The following PDE4C variants were observed in gnomAD, a reference collection of about 807,000 sequenced individuals.
PDE4C encodes phosphodiesterase 4C.
PDE4C carries 50 observed loss-of-function variants against 63.9 expected under a neutral mutation model. The ratio of observed to expected loss-of-function variants is 0.78; its 90% CI spans 0.62 to 0.99. The LOEUF (loss-of-function observed/expected upper bound fraction) is 0.99. Ranked by LOEUF, PDE4C falls within the 50% of genes least tolerant of loss-of-function variation. The pLI is 0.00. For missense variants in PDE4C, 777 were observed against 899.1 expected (o/e 0.86, Z 1.74); for synonymous variants, 377 against 385.1 (o/e 0.98, Z 0.25).
At position 18,220,966 on chromosome 19, in the gene PDE4C, G is replaced by A. The variant is rs377670826; in HGVS notation, c.450-43C>T. The A allele has an allele frequency of 2.5e-6, 4 of 1,575,312 alleles. No individual in the cohort carries two copies. The highest frequency in any genetic ancestry group is 3.4e-6 in the Non-Finnish European group (4 of 1,161,714). ...CAGGCGTGGCTGCTCCGCCCATCTC[G>A]CCCCGCCCCCAAGTCCACCAGGCCC... On this transcript the variant is annotated intron_variant, in intron 4 of 14. Coordinates refer to ENST00000262805, the Ensembl canonical transcript of PDE4C. This position sits in a 1 kb window ranked among gnomAD's most constrained non-coding sequence, Gnocchi z 5.1.
At chr19:18,213,323 A>T in intron 13 of PDE4C, 45 bp downstream of exon 13, 1 of 1,521,454 alleles carries the variant, frequency 6.6e-7, no homozygotes. Flanking sequence ...ATAAAGTAAA[A>T]CCAAAATTTA....
chr19:18,218,630 T>C, intron 9 of PDE4C, 132 bp from the exon 10 acceptor site: 1 of 981,576 alleles, frequency 1.0e-6, no homozygotes, highest in Non-Finnish European at 1.5e-6. Context: ...TGTGCTCTCC[T>C]GAACTCCTCC....
At chr19:18,216,631 C>G in intron 12 of PDE4C, 110 bp downstream of exon 12, 1 of 1,095,500 alleles carries the variant, frequency 9.1e-7, no homozygotes, top group Non-Finnish European at 1.3e-6. Flanking sequence ...ATGCCTGGGT[C>G]TGGATGAACC....
chr19:18,242,601 G>A (rs577630402), intron 1 of PDE4C, among the ~76,000 whole-genome samples: 6 of 147,572 alleles, frequency 4.1e-5, no homozygotes, highest in Non-Finnish European at 7.4e-5. Context: ...GGCCAGCATG[G>A]TGACACCCTG....
chr19:18,226,413 C>T, exon 1 of PDE4C: 1 of 1,433,462 alleles, frequency 7.0e-7, no homozygotes, highest in Non-Finnish European at 9.1e-7. Context: ...GGGGGCCCTG[C>T]ATCGCCAGGA....
intron 1 of PDE4C, among the ~76,000 whole-genome samples, chr19:18,232,391 G>T (rs1414744573): frequency 6.6e-6 from 1 of 150,490 alleles, no homozygotes; most frequent in Non-Finnish European, 1.5e-5. Context: ...GTGTGTGTGT[G>T]TGTGTGTGTG....
At chr19:18,251,828 C>T (rs1423274630), upstream of PDE4C, among the ~76,000 whole-genome samples, 4 of 151,924 alleles carry the variant, frequency 2.6e-5, no homozygotes, top group African/African-American at 9.7e-5. Flanking sequence ...AACCTGTCTC[C>T]CCACCACAGC....
At chr19:18,211,762 G>C (rs1568660262) in exon 14 of PDE4C, 1 of 1,614,008 alleles carries the variant, frequency 6.2e-7, no homozygotes, top group East Asian at 2.2e-5. Flanking sequence ...TGCCAACCTG[G>C]GACTTCTCCA....
chr19:18,226,198 C>T, intron 1 of PDE4C, 72 bp downstream of exon 1: 7 of 1,300,162 alleles, frequency 5.4e-6, no homozygotes, highest in Non-Finnish European at 7.5e-6. Context: ...CTGGCCTTGT[C>T]CCTGTCCCTG....
At chr19:18,238,725 G>A (rs1486920051) in intron 1 of PDE4C, among the ~76,000 whole-genome samples, 1 of 151,838 alleles carries the variant, frequency 6.6e-6, no homozygotes, top group Non-Finnish European at 1.5e-5. Context: ...CAGCACAATG[G>A]CTCATGCCTG....
At chr19:18,240,735 A>T (rs1969022039) in intron 1 of PDE4C, among the ~76,000 whole-genome samples, 1 of 152,164 alleles carries the variant, frequency 6.6e-6, no homozygotes. Flanking sequence ...TCAAAAAAAA[A>T]TGGGGAAACT....
At chr19:18,214,514 G>A (rs1297696437) in intron 12 of PDE4C, among the ~76,000 whole-genome samples, 3 of 152,008 alleles carry the variant, frequency 2.0e-5, no homozygotes, top group Non-Finnish European at 4.4e-5. Context: ...CTGGCAGCTG[G>A]GGTAGATTGT....
At chr19:18,240,298 T>C (rs1203455374) in intron 1 of PDE4C, among the ~76,000 whole-genome samples, 3 of 151,282 alleles carry the variant, frequency 2.0e-5, no homozygotes, top group Admixed American at 6.6e-5. Flanking sequence ...TGGTGGTACA[T>C]GTGCCTGTAG....
intron 12 of PDE4C, 25 bp downstream of exon 12, chr19:18,216,716 G>T: frequency 2.8e-6 from 3 of 1,076,908 alleles, no homozygotes; most frequent in Non-Finnish European, 3.9e-6. Flanking sequence ...TGCCCCTCCC[G>T]CCCCGCTTAC....
chr19:18,231,274 G>A (rs1028757054), upstream of PDE4C, among the ~76,000 whole-genome samples: 2 of 152,208 alleles, frequency 1.3e-5, no homozygotes, highest in Admixed American at 6.5e-5. Context: ...TGCGCAGAAC[G>A]ACGTGTGTGT....
At chr19:18,241,798 C>A (rs1451380049) in intron 1 of PDE4C, among the ~76,000 whole-genome samples, 1 of 152,094 alleles carries the variant, frequency 6.6e-6, no homozygotes, top group Non-Finnish European at 1.5e-5. Flanking sequence ...GATCCACAAA[C>A]CTCAGCCTCC....
chr19:18,250,622 T>G (rs1162711765), upstream of PDE4C: 22 of 395,526 alleles, frequency 5.6e-5, no homozygotes, highest in Non-Finnish European at 5.8e-5. Flanking sequence ...ATCATGTATT[T>G]TAGAGACAGG....
the PDE4C span, among the ~76,000 whole-genome samples, chr19:18,254,073 C>T: frequency 1.3e-5 from 2 of 152,218 alleles, no homozygotes; most frequent in Non-Finnish European, 2.9e-5. Flanking sequence ...CCCCCAGGCC[C>T]TGTGGGGATG....
chr19:18,226,565 G>A, upstream of PDE4C: 1 of 473,704 alleles, frequency 2.1e-6, no homozygotes. Context: ...CGGGACAAAC[G>A]GGGAAACTGA....
Sources: gnomAD v4.1 joint callset for allele counts (sites outside exome capture counted in the v4.1 genomes callset) on GRCh38, gnomAD v4.1.1 for gene constraint, Gnocchi (gnomAD v3.1) non-coding constraint, MANE v1.5 for transcripts, NCBI Gene and HGNC (gene_info 2026-07-23, HGNC 2026-07-21) for gene names.